AASDH: variants seen among roughly 807,000 people sequenced by gnomAD.
AASDH encodes aminoadipate-semialdehyde dehydrogenase, also known as beta-alanine-activating enzyme.
In AASDH, 81 loss-of-function variants were observed where a neutral mutation model predicts 102.3. The observed-to-expected ratio is 0.79, with a 90% confidence interval of 0.66 to 0.95. AASDH has a LOEUF of 0.95. Among genes scored for constraint, AASDH ranks in the 40% least tolerant of loss-of-function variants. The pLI is 0.00. For synonymous variants in AASDH, 398 were observed against 454.0 expected (o/e 0.88, Z 1.57); for missense variants, 1,203 against 1,266.2 (o/e 0.95, Z 0.76).
chr4:56,382,352 A>T, intron 3 of AASDH, 125 bp downstream of exon 3: 2 of 900,704 alleles, frequency 2.2e-6, no homozygotes, highest in Non-Finnish European at 3.3e-6. Context: ...AAAATGTCAT[A>T]GTGCAAAGAC....
intron 5 of AASDH, among the ~76,000 whole-genome samples, chr4:56,367,896 C>A (rs539299708): frequency 6.6e-6 from 1 of 151,802 alleles, no homozygotes; most frequent in Non-Finnish European, 1.5e-5. Context: ...AGAGCTTCTG[C>A]ACAGCAAAAG....
intron 1 of AASDH, 118 bp from the exon 2 acceptor site, chr4:56,384,459 A>G (rs1328024697): frequency 3.2e-5 from 19 of 593,046 alleles, no homozygotes; most frequent in Non-Finnish European, 1.5e-5. Flanking sequence ...AGATATATAA[A>G]TGAAGAATCT....
chr4:56,378,526 T>C (rs2109996717), intron 3 of AASDH, 62 bp from the exon 4 acceptor site: 5 of 1,307,404 alleles, frequency 3.8e-6, no homozygotes, highest in Admixed American at 5.4e-5. Context: ...CTTCTTTATA[T>C]AGAAGTAATA....
At chr4:56,366,079 A>G (rs546857954) in intron 5 of AASDH, among the ~76,000 whole-genome samples, 4 of 152,356 alleles carry the variant, frequency 2.6e-5, no homozygotes, top group African/African-American at 7.2e-5. Context: ...CCATCACAGA[A>G]TACTATAAAC....
Position 56,338,647 on chromosome 4 carries a change from A to C in AASDH, c.3052T>G (p.Ser1018Ala), listed in dbSNP as rs773171531. The change falls in exon 15 of 15, where the codon TCA (serine) becomes GCA (alanine). Residue 1018 changes from serine (S) to alanine (A), a missense_variant. Transcript: ENST00000205214. ...GCAAACGGTGTTGCATAGACCCTTG[A>C]AGTAGTTTCAAATTTCCACTGCAGG... is the stretch of plus-strand genomic sequence containing the variant. ...GHLQWKFETT[S>A]RVYATPFAFH... is the part of the protein sequence containing the mutation. The C allele has an allele frequency of 4.3e-6, 7 of 1,614,064 alleles. No homozygotes were observed. In the South Asian group the frequency reaches 6.6e-5, roughly 15 times the overall value.
At chr4:56,343,721 A>G in intron 12 of AASDH, 37 bp from the exon 13 acceptor site, 1 of 1,582,130 alleles carries the variant, frequency 6.3e-7, no homozygotes, top group Non-Finnish European at 8.6e-7. Flanking sequence ...GTTCTTGTTG[A>G]TGGTTAACAA....
At chr4:56,347,443 C>T (rs1232213075) in intron 11 of AASDH, among the ~76,000 whole-genome samples, 6 of 152,070 alleles carry the variant, frequency 3.9e-5, no homozygotes, top group South Asian at 4.1e-4. Flanking sequence ...ATTCCATGAG[C>T]GTATAAAATG....
Position 56,378,332 on chromosome 4 carries a change from ATT to A in AASDH, c.482_483del (p.Lys161IlefsTer2). On this transcript the variant is annotated frameshift_variant, in exon 4 of 15. Transcript: ENST00000205214. LOFTEE classifies it high-confidence loss of function. ...VNLMLNDGKEKYEKEKIKSIS... is the reference protein window; with the variant it reads ...VNLMLNDGKEXYEKEKIKSIS... ...ATGCTTTTTATTTTTTCTTTTTCAT[ATT>A]TCTCTTTTCCATCATTTAGCATCAA... The A allele has an allele frequency of 6.2e-7, 1 of 1,613,772 alleles. No individual in the cohort carries two copies. The highest frequency in any genetic ancestry group is 8.5e-7 in the Non-Finnish European group (1 of 1,179,930).
At chr4:56,348,340 A>T (rs1399049938) in intron 11 of AASDH, among the ~76,000 whole-genome samples, 1 of 151,556 alleles carries the variant, frequency 6.6e-6, no homozygotes, top group African/African-American at 2.4e-5. Context: ...CAGCAGCCTC[A>T]ACCTACTGGG....
At chr4:56,360,581 A>G (rs1322654523) in intron 5 of AASDH, among the ~76,000 whole-genome samples, 3 of 152,174 alleles carry the variant, frequency 2.0e-5, no homozygotes, top group Non-Finnish European at 4.4e-5. Flanking sequence ...TAAGATTGCT[A>G]TATGTCTTTG....
intron 5 of AASDH, among the ~76,000 whole-genome samples, chr4:56,359,641 C>T (rs945951891): frequency 4.8e-5 from 7 of 147,282 alleles, no homozygotes; most frequent in African/African-American, 1.0e-4. Flanking sequence ...TCACTGCAAT[C>T]GCCACCCCCC....
intron 11 of AASDH, 124 bp downstream of exon 11, chr4:56,349,139 T>C: frequency 9.6e-7 from 1 of 1,037,840 alleles, no homozygotes; most frequent in South Asian, 1.7e-5. Context: ...CAGGGTTAAC[T>C]ATAATTTTTG....
intron 1 of AASDH, among the ~76,000 whole-genome samples, chr4:56,386,154 C>T (rs1200471591): frequency 1.3e-5 from 2 of 152,120 alleles, no homozygotes; most frequent in African/African-American, 2.4e-5. Flanking sequence ...TTTTAGTAGG[C>T]ATTTCTATAA....
Position 56,356,643 on chromosome 4 carries a change from T to C in AASDH, c.862-1220A>G, listed in dbSNP as rs1192549457. The C allele has an allele frequency of 1.6e-5, 11 of 690,860 alleles. No homozygotes were observed. The East Asian group carries it at 1.8e-4, about 12-fold the overall frequency. The allele number at this position is 690,860 out of a possible 1,614,324, so 42.8% of individuals were successfully genotyped here. A position where few individuals can be genotyped will look rare whatever the true frequency, so the allele number is the denominator to read the frequency against. On this transcript the variant is annotated intron_variant, in intron 5 of 14. Coordinates refer to ENST00000205214, the MANE Select transcript of AASDH (RefSeq NM_181806.4). ...CCATCGAGTTGGTTGTCTTCTTGCCTGCCCTGTGTCATAAAATGGGGGTCC... is the reference window on the plus strand; with the variant it reads ...CCATCGAGTTGGTTGTCTTCTTGCCCGCCCTGTGTCATAAAATGGGGGTCC...
At chr4:56,371,087 C>T (rs940486802) in intron 5 of AASDH, among the ~76,000 whole-genome samples, 1 of 152,096 alleles carries the variant, frequency 6.6e-6, no homozygotes, top group Non-Finnish European at 1.5e-5. Context: ...ATATTCCTAA[C>T]TCGATTATAA....
chr4:56,358,518 C>T (rs1165691483), intron 5 of AASDH, among the ~76,000 whole-genome samples: 2 of 150,552 alleles, frequency 1.3e-5, no homozygotes, highest in African/African-American at 4.9e-5. Context: ...GGAAAGTTCC[C>T]TTCTATTCCT....
At chr4:56,366,240 C>T (rs1750989243) in intron 5 of AASDH, among the ~76,000 whole-genome samples, 1 of 152,040 alleles carries the variant, frequency 6.6e-6, no homozygotes, top group Non-Finnish European at 1.5e-5. Context: ...AGCCTACGAA[C>T]CAAAAAAAGT....
chr4:56,369,380 A>G (rs1043810838), intron 5 of AASDH, among the ~76,000 whole-genome samples: 4 of 152,184 alleles, frequency 2.6e-5, no homozygotes, highest in Admixed American at 2.6e-4. Flanking sequence ...AGGTAAATAA[A>G]ACAGTTATAG....
At chr4:56,376,331 TCCCA>T (rs1752336949) in intron 4 of AASDH, among the ~76,000 whole-genome samples, 1 of 152,096 alleles carries the variant, frequency 6.6e-6, no homozygotes, top group South Asian at 2.1e-4. Context: ...AGCCAACCTC[TCCCA>T]TCTTAAAGAC....
Sources: gnomAD v4.1 joint callset for allele counts (sites outside exome capture counted in the v4.1 genomes callset) on GRCh38, gnomAD v4.1.1 for gene constraint, MANE v1.5 for transcripts, NCBI Gene and HGNC (gene_info 2026-07-23, HGNC 2026-07-21) for gene names.